NIPSNAP3A: variants seen among roughly 807,000 people sequenced by gnomAD.
The protein encoded by NIPSNAP3A is nipsnap homolog 3A.
NIPSNAP3A carries 27 observed loss-of-function variants against 32.3 expected under a neutral mutation model. That is an observed-to-expected ratio of 0.84 (90% CI 0.62 to 1.15). NIPSNAP3A has a LOEUF of 1.15. Among genes scored for constraint, NIPSNAP3A ranks in the 50% most tolerant of loss-of-function variants. The probability of loss-of-function intolerance (pLI) is 0.00; values close to 1 mark genes in which losing one functional copy is unlikely to be tolerated. For missense variants in NIPSNAP3A, 278 were observed against 297.2 expected (o/e 0.94, Z 0.48); for synonymous variants, 108 against 107.3 (o/e 1.01, Z -0.04).
intron 2 of NIPSNAP3A, 149 bp from the exon 3 acceptor site, chr9:104,752,757 T>A (rs1827860753): frequency 3.0e-6 from 2 of 667,488 alleles, no homozygotes; most frequent in Non-Finnish European, 5.2e-6. Context: ...GGGCAGATGG[T>A]CACATCTGTT....
Position 104,759,441 on chromosome 9 carries a change from GTTAA to G in NIPSNAP3A, c.*104_*107del. 1 of 1,174,310 alleles carries G rather than the reference GTTAA, an allele frequency of 8.5e-7. No homozygotes were observed. Among genetic ancestry groups the G allele is most frequent in the East Asian group, 2.5e-5 (1 of 40,386 alleles). The allele number at this position is 1,174,310 out of a possible 1,614,324, so 72.7% of individuals were successfully genotyped here. A position where few individuals can be genotyped will look rare whatever the true frequency, so the allele number is the denominator to read the frequency against. On this transcript the variant is annotated 3_prime_UTR_variant, in exon 6 of 6. Coordinates refer to ENST00000374767, the MANE Select transcript of NIPSNAP3A (RefSeq NM_015469.3). ...GTTCTCACTTTTATTTGAAGGAGGT[GTTAA>G]GTTAATTTGCTATGTTTCTTGCATT...
At chr9:104,750,728 T>C (rs1354121802) in intron 1 of NIPSNAP3A, among the ~76,000 whole-genome samples, 1 of 152,222 alleles carries the variant, frequency 6.6e-6, no homozygotes, top group Non-Finnish European at 1.5e-5. Context: ...AGATCTCTGC[T>C]TTTGTTACTT....
At chr9:104,751,766 T>A (rs1827851205) in intron 2 of NIPSNAP3A, among the ~76,000 whole-genome samples, 1 of 152,114 alleles carries the variant, frequency 6.6e-6, no homozygotes, top group African/African-American at 2.4e-5. Context: ...TTTTGAGGAA[T>A]TCACTGTCAT....
At position 104,759,310 on chromosome 9, in the gene NIPSNAP3A, T is replaced by G. The variant is rs1827945492; in HGVS notation, c.716T>G (p.Ile239Ser). ...GTATCTCAGCAGAATATGCTTCTGATTCCTACATCGTTTTCACCACTGAAA... is the reference window on the plus strand; with the variant it reads ...GTATCTCAGCAGAATATGCTTCTGAGTCCTACATCGTTTTCACCACTGAAA... ...YLVSQQNMLL[I>S]PTSFSPLK is the part of the protein sequence containing the mutation. Residue 239 changes from isoleucine (I) to serine (S), a missense_variant, in exon 6 of 6, where the codon ATT (isoleucine) becomes AGT (serine). Physicochemically the swap from Ile to Ser is moderately radical, Grantham distance 142. Coordinates refer to ENST00000374767, the MANE Select transcript of NIPSNAP3A (RefSeq NM_015469.3). 2 of 1,613,866 alleles carry G rather than the reference T, an allele frequency of 1.2e-6. No homozygotes were observed. The highest frequency in any genetic ancestry group is 1.7e-4 in the Middle Eastern group (1 of 5,882).
At position 104,752,992 on chromosome 9, in the gene NIPSNAP3A, C is replaced by G. The variant is rs372954516; in HGVS notation, c.358C>G (p.Leu120Val). The G allele has an allele frequency of 9.9e-6, 16 of 1,613,258 alleles. No individual in the cohort carries two copies. The African/African-American group carries it at 2.1e-4, about 22-fold the overall frequency. ...ACAATTCCTCATTCCAAATTTGGCT[C>G]TCATTGATAAACAAGAGAGTGAGAT... The part of the protein sequence containing the change: ...QEQFLIPNLA[L>V]IDKQESEITY... The change falls in exon 3 of 6, where the codon CTC becomes GTC. Residue 120 changes from leucine to valine, a missense_variant. Physicochemically the swap from Leu to Val is conservative, Grantham distance 32. Coordinates refer to ENST00000374767, the MANE Select transcript of NIPSNAP3A (RefSeq NM_015469.3).
chr9:104,755,678 T>C (rs984335669), intron 4 of NIPSNAP3A, among the ~76,000 whole-genome samples: 1 of 152,134 alleles, frequency 6.6e-6, no homozygotes, highest in Non-Finnish European at 1.5e-5. Flanking sequence ...TCCAGCGCTT[T>C]TGGGAGGCTG....
intron 3 of NIPSNAP3A, chr9:104,753,490 T>A (rs1827870362): frequency 6.2e-6 from 1 of 161,468 alleles, no homozygotes; most frequent in Non-Finnish European, 1.4e-5. Context: ...CAGCTTTGCT[T>A]ATAAAACTGA....
At chr9:104,753,928 A>G (rs1827875927) in intron 3 of NIPSNAP3A, 1 of 152,316 alleles carries the variant, frequency 6.6e-6, no homozygotes, top group Non-Finnish European at 1.5e-5. Context: ...CTTGTCCCAG[A>G]GTTTCTTTCT....
At chr9:104,754,774 T>C (rs1420734936) in intron 4 of NIPSNAP3A, 74 bp downstream of exon 4, 3 of 1,202,808 alleles carry the variant, frequency 2.5e-6, no homozygotes, top group Non-Finnish European at 3.7e-6. Flanking sequence ...TCAGGTTCTT[T>C]CTCATTATAG....
chr9:104,754,375 G>T, intron 3 of NIPSNAP3A, 176 bp from the exon 4 acceptor site: 1 of 582,062 alleles, frequency 1.7e-6, no homozygotes, highest in Non-Finnish European at 3.0e-6. Context: ...ACATGGGCAA[G>T]GACTTTCTAA....
At chr9:104,755,285 TTCA>T (rs1351252169) in intron 4 of NIPSNAP3A, among the ~76,000 whole-genome samples, 1 of 152,078 alleles carries the variant, frequency 6.6e-6, no homozygotes, top group East Asian at 1.9e-4. Context: ...GTCTGTTACT[TTCA>T]TCATTTCTTT....
rs1268304164 is a variant in NIPSNAP3A at position 104,751,152 on chromosome 9, A to G, written c.257A>G (p.His86Arg). The G allele has an allele frequency of 6.2e-7, 1 of 1,613,702 alleles. No individual in the cohort carries two copies. The highest frequency in any genetic ancestry group is 8.5e-7 in the Non-Finnish European group (1 of 1,179,658). Reference protein sequence around the residue: ...EFGGRMNTVFHIWKYDNFAHR... With the variant: ...EFGGRMNTVFRIWKYDNFAHR... ...GGAGGCAGAATGAATACAGTGTTTCATATTTGGAAGTATGGTAAAGAGTCA... is the reference window on the plus strand; with the variant it reads ...GGAGGCAGAATGAATACAGTGTTTCGTATTTGGAAGTATGGTAAAGAGTCA... Residue 86 changes from histidine to arginine, a missense_variant, in exon 2 of 6, where the codon CAT becomes CGT. His to Arg is a conservative substitution (Grantham distance 29). Transcript: ENST00000374767.
At chr9:104,747,907 C>T (rs201501034) in intron 1 of NIPSNAP3A, 55 bp downstream of exon 1, 5 of 693,458 alleles carry the variant, frequency 7.2e-6, no homozygotes, top group Non-Finnish European at 1.1e-5. Flanking sequence ...AGGGGCGGGG[C>T]GGGGAGTGTT....
In NIPSNAP3A at chr9:104,759,318, T is replaced by C. The variant is rs1827945603; in HGVS notation, c.724T>C (p.Ser242Pro). ...GCAGAATATGCTTCTGATTCCTACA[T>C]CGTTTTCACCACTGAAATAGTTTTC... ...SQQNMLLIPT[S>P]FSPLK The change falls in exon 6 of 6, where the codon TCG becomes CCG. Residue 242 changes from serine to proline, a missense_variant. Coordinates refer to ENST00000374767, the MANE Select transcript of NIPSNAP3A (RefSeq NM_015469.3). 3 of 1,613,790 alleles carry C rather than the reference T, an allele frequency of 1.9e-6. No individual in the cohort carries two copies. The highest frequency in any genetic ancestry group is 4.5e-5 in the East Asian group (2 of 44,874).
chr9:104,755,742 C>G (rs1214301022), intron 4 of NIPSNAP3A, among the ~76,000 whole-genome samples: 1 of 151,770 alleles, frequency 6.6e-6, no homozygotes, highest in Non-Finnish European at 1.5e-5. Flanking sequence ...GGCAACACAG[C>G]TTGTCTCTAC....
At chr9:104,747,997 G>A in intron 1 of NIPSNAP3A, 145 bp downstream of exon 1, 2 of 679,294 alleles carry the variant, frequency 2.9e-6, no homozygotes, top group Non-Finnish European at 4.7e-6. Context: ...TCTAGCGTGA[G>A]CCCCGGAACC....
intron 1 of NIPSNAP3A, 21 bp downstream of exon 1, chr9:104,747,873 C>T (rs1480287004): frequency 2.5e-6 from 4 of 1,589,066 alleles, no homozygotes; most frequent in Non-Finnish European, 3.4e-6. Flanking sequence ...CGGGGGTACC[C>T]AAGCCTTCAC....
chr9:104,749,017 C>G (rs1827814646), intron 1 of NIPSNAP3A, among the ~76,000 whole-genome samples: 1 of 152,162 alleles, frequency 6.6e-6, no homozygotes, highest in Non-Finnish European at 1.5e-5. Flanking sequence ...CTGGCACCAC[C>G]TGTCCACATC....
intron 5 of NIPSNAP3A, 35 bp downstream of exon 5, chr9:104,759,206 A>T (rs1827943751): frequency 6.2e-7 from 1 of 1,613,944 alleles, no homozygotes; most frequent in African/African-American, 1.3e-5. Context: ...TTATTTTTAG[A>T]ACAAATGTGT....
Sources: gnomAD v4.1 joint callset for allele counts (sites outside exome capture counted in the v4.1 genomes callset) on GRCh38, gnomAD v4.1.1 for gene constraint, MANE v1.5 for transcripts, NCBI Gene and HGNC (gene_info 2026-07-23, HGNC 2026-07-21) for gene names.